The following UBE2O variants were observed in gnomAD, a reference collection of about 807,000 sequenced individuals.
The protein encoded by UBE2O is (E3-independent) E2 ubiquitin-conjugating enzyme.
UBE2O carries 15 observed loss-of-function variants against 125.8 expected under a neutral mutation model. The observed-to-expected ratio is 0.12, with a 90% CI of 0.08 to 0.18. The LOEUF is 0.18. UBE2O is among the 10% of genes least tolerant of loss of function. The pLI is 1.00. For synonymous variants in UBE2O, 708 were observed against 703.2 expected, an observed-to-expected ratio of 1.01 and a Z score of -0.11; for missense variants, 1,280 against 1,723.6, an observed-to-expected ratio of 0.74 and a Z score of 4.56.
In UBE2O at chr17:76,389,721, C is replaced by T. The variant is rs1360141389; in HGVS notation, c.*1222G>A. 1 of 152,184 alleles carries T rather than the reference C, an allele frequency of 6.6e-6. No homozygotes were observed. The highest frequency in any genetic ancestry group is 1.5e-5 in the Non-Finnish European group (1 of 68,030). 9.4% of individuals were successfully genotyped at this position (152,184 alleles called of 1,614,324 possible). The stretch of plus-strand genomic sequence containing the variant: ...GGTCCGGCTCCATCCTCCCGCAGCT[C>T]TGCTGGCTGGGCGGTCACAGCACAG... On this transcript the variant is annotated 3_prime_UTR_variant, in exon 18 of 18. Coordinates refer to ENST00000319380, the MANE Select transcript of UBE2O (RefSeq NM_022066.4).
At position 76,417,797 on chromosome 17, in the gene UBE2O, T is replaced by C. The variant is rs929215536; in HGVS notation, c.418-12225A>G. On this transcript the variant is annotated intron_variant, in intron 1 of 17. Coordinates refer to ENST00000319380, the MANE Select transcript of UBE2O (RefSeq NM_022066.4). ...GAAGGGAAGAGGAGCAGGTGTTTGA[T>C]GCTGCATGGATGCATCAGCGTCCGC... Among the ~76,000 whole-genome samples, 5 of 152,324 alleles carry C rather than the reference T, an allele frequency of 3.3e-5. No homozygotes were observed. In the South Asian group the frequency reaches 1.0e-3, roughly 32 times the overall value.
At chr17:76,409,987 G>A (rs905805148) in intron 1 of UBE2O, among the ~76,000 whole-genome samples, 1 of 152,172 alleles carries the variant, frequency 6.6e-6, no homozygotes, top group South Asian at 2.1e-4. Context: ...AGGCCCCTCC[G>A]AGGTGATGCT....
intron 1 of UBE2O, chr17:76,430,866 C>T (rs1374543414): frequency 1.5e-5 from 6 of 396,198 alleles, no homozygotes; most frequent in East Asian, 7.0e-5. Flanking sequence ...AATGCCAATT[C>T]GGGTTCTGCA....
intron 1 of UBE2O, among the ~76,000 whole-genome samples, chr17:76,438,753 C>T (rs951754132): frequency 2.0e-5 from 3 of 152,170 alleles, no homozygotes; most frequent in African/African-American, 4.8e-5. Flanking sequence ...AGTGTTTCCT[C>T]TTGCACTGGA....
rs1044469434 is a variant in UBE2O, at chr17:76,410,297, G to A, written c.418-4725C>T. ...AGCACGGAGGCTGGTTAGCCCAGTG[G>A]TTCTCACCTAGGGGTAATTTTGCTC... is the stretch of plus-strand genomic sequence containing the variant. On this transcript the variant is annotated intron_variant, in intron 1 of 17. Transcript: ENST00000319380. This position sits in a 1 kb window ranked among gnomAD's most constrained non-coding sequence, Gnocchi z 4.0. Among the ~76,000 whole-genome samples the A allele has an allele frequency of 6.6e-6, 1 of 152,032 alleles. No individual in the cohort carries two copies. Among genetic ancestry groups the A allele is most frequent in the Admixed American group, 6.6e-5 (1 of 15,254 alleles).
chr17:76,421,794 T>C (rs924796845), intron 1 of UBE2O, among the ~76,000 whole-genome samples: 2 of 152,174 alleles, frequency 1.3e-5, no homozygotes, highest in Non-Finnish European at 2.9e-5. Flanking sequence ...ATGGAGTAAA[T>C]GCCACGTGCT....
rs2072194491 is a variant in UBE2O at position 76,395,648 on chromosome 17, G to C, written c.2946+77C>G. On this transcript the variant is annotated intron_variant, in intron 15 of 17. Transcript: ENST00000319380. The surrounding 1 kb of genome is among the most constrained non-coding windows in gnomAD (Gnocchi z 5.0). The stretch of plus-strand genomic sequence containing the variant: ...TGCCAGTCAGCCCCGGAGGTTTGGG[G>C]ACCCAAGGTTGGTGGCCTCTTGGGC... 1 of 1,528,662 alleles carries C rather than the reference G, an allele frequency of 6.5e-7. No individual in the cohort carries two copies. The highest frequency in any genetic ancestry group is 8.8e-7 in the Non-Finnish European group (1 of 1,139,608). The allele number at this position is 1,528,662 out of a possible 1,614,324, so 94.7% of individuals were successfully genotyped here. A position where few individuals can be genotyped will look rare whatever the true frequency, so the allele number is the denominator to read the frequency against.
At chr17:76,409,699 A>C (rs766915521) in intron 1 of UBE2O, among the ~76,000 whole-genome samples, 6 of 152,176 alleles carry the variant, frequency 3.9e-5, no homozygotes, top group African/African-American at 7.2e-5. Context: ...TGGCAAACAC[A>C]CACCACTTTG....
intron 1 of UBE2O, among the ~76,000 whole-genome samples, chr17:76,442,464 T>C (rs543124364): frequency 2.5e-4 from 38 of 152,230 alleles, no homozygotes; most frequent in African/African-American, 7.7e-4. Context: ...CTATTTGTAG[T>C]AAGTGGGAGG....
rs1480371560 is a variant in UBE2O at position 76,405,320 on chromosome 17, G to C, written c.478-4C>G. The stretch of plus-strand genomic sequence containing the variant: ...TCACCGTGCCACACTGACTGTCCTG[G>C]GGGAGGGAGGAGACATGCAAGTCCC... On this transcript the variant is annotated splice_polypyrimidine_tract_variant and splice_region_variant and intron_variant, in intron 2 of 17. Transcript: ENST00000319380. The surrounding 1 kb of genome is among the most constrained non-coding windows in gnomAD (Gnocchi z 6.1). 6.2e-7 allele frequency: 1 copy of C among 1,605,808 alleles called. No homozygotes were observed. Among genetic ancestry groups the C allele is most frequent in the African/African-American group, 1.3e-5 (1 of 74,740 alleles).
chr17:76,409,459 C>T (rs1240193476), intron 1 of UBE2O, among the ~76,000 whole-genome samples: 3 of 151,744 alleles, frequency 2.0e-5, no homozygotes, highest in Non-Finnish European at 4.4e-5. Context: ...TGCAGTGGCA[C>T]GACCTCAGCT....
At position 76,391,112 on chromosome 17, in the gene UBE2O, C is replaced by A; in HGVS notation, c.3710G>T (p.Arg1237Leu). The A allele has an allele frequency of 6.2e-7, 1 of 1,614,158 alleles. No individual in the cohort carries two copies. Among genetic ancestry groups the A allele is most frequent in the East Asian group, 2.2e-5 (1 of 44,884 alleles). ...SVPPSVKPKK[R>L]RKSYRSFLPE... ...TAAGAAGCTCCGGTAGCTCTTTCTC[C>A]GCTTCTTTGGTTTCACACTGGGTGG... The change falls in exon 18 of 18, where the codon CGG becomes CTG. Residue 1237 changes from arginine to leucine, a missense_variant. Arg to Leu is a moderately radical substitution (Grantham distance 102). Transcript: ENST00000319380. The surrounding 1 kb of genome is among the most constrained non-coding windows in gnomAD (Gnocchi z 8.4).
Position 76,402,049 on chromosome 17 carries a change from G to A in UBE2O, c.750+15C>T. On this transcript the variant is annotated intron_variant, in intron 5 of 17. Transcript: ENST00000319380. The surrounding 1 kb of genome is among the most constrained non-coding windows in gnomAD (Gnocchi z 5.4). ...GCAATCAGAGAAGGGTGCTGGCCTG[G>A]ATGGAGCACACTACCGAGTCGCTGA... 4 of 1,613,280 alleles carry A rather than the reference G, an allele frequency of 2.5e-6. No homozygotes were observed. Among genetic ancestry groups the A allele is most frequent in the Non-Finnish European group, 3.4e-6 (4 of 1,179,756 alleles).
rs1048727447 is a variant in UBE2O at position 76,445,259 on chromosome 17, AT to A, written c.417+7465del. ...TTTCCAAGCATGACTCAGTGTTTTA[AT>A]TTTTTTTTTTACTTTCAATTATCAT... On this transcript the variant is annotated intron_variant, in intron 1 of 17. Transcript: ENST00000319380. 5.3e-4 allele frequency among the ~76,000 whole-genome samples: 78 copies of A among 146,568 alleles called. No individual in the cohort carries two copies. The East Asian group carries it at 0.01, about 19-fold the overall frequency.
At chr17:76,425,225 C>CAAAAAAAAAAAA (rs58377572) in intron 1 of UBE2O, among the ~76,000 whole-genome samples, 1 of 95,096 alleles carries the variant, frequency 1.1e-5, no homozygotes, top group African/African-American at 3.5e-5. Flanking sequence ...GTCCTTTCGA[C>CAAAAAAAAAAAA]AAAAAAAAAA....
At position 76,395,859 on chromosome 17, in the gene UBE2O, T is replaced by C; in HGVS notation, c.2812A>G (p.Asn938Asp). 1 of 1,614,122 alleles carries C rather than the reference T, an allele frequency of 6.2e-7. No homozygotes were observed. Among genetic ancestry groups the C allele is most frequent in the Non-Finnish European group, 8.5e-7 (1 of 1,180,028 alleles). The change falls in exon 15 of 18, where the codon AAT (asparagine) becomes GAT (aspartate). Residue 938 changes from asparagine (N) to aspartate (D), a missense_variant and splice_region_variant. Around this residue, in one of 10 missense-constraint regions of UBE2O, gnomAD observed 116 missense variants for 154.8 expected, o/e 0.75. Transcript: ENST00000319380. This position sits in a 1 kb window ranked among gnomAD's most constrained non-coding sequence, Gnocchi z 5.0. Reference protein sequence around the residue: ...VFSVLEFAPSNHSFKKIEFQP... With the variant: ...VFSVLEFAPSDHSFKKIEFQP... Reference sequence around the variant, plus strand: ...AACTCAATTTTCTTAAAAGAATGATTTGCTAGAGGGGGGAAGAGAATAGTC... The same window carrying C: ...AACTCAATTTTCTTAAAAGAATGATCTGCTAGAGGGGGGAAGAGAATAGTC...
At chr17:76,438,745 T>C (rs1337435423) in intron 1 of UBE2O, among the ~76,000 whole-genome samples, 1 of 152,170 alleles carries the variant, frequency 6.6e-6, no homozygotes, top group Non-Finnish European at 1.5e-5. Flanking sequence ...ACATAACCAG[T>C]GTTTCCTCTT....
In UBE2O at chr17:76,400,986, C is replaced by A; in HGVS notation, c.894+25G>T. 6.2e-7 allele frequency: 1 copy of A among 1,612,706 alleles called. No individual in the cohort carries two copies. The highest frequency in any genetic ancestry group is 8.5e-7 in the Non-Finnish European group (1 of 1,179,674). ...AGGGTGTGGAGGTCAAGGACTCCAT[C>A]TCCTACCCTTGGGCCCGGACCCACC... is the stretch of plus-strand genomic sequence containing the variant. On this transcript the variant is annotated intron_variant, in intron 6 of 17. Coordinates refer to ENST00000319380, the MANE Select transcript of UBE2O (RefSeq NM_022066.4). The surrounding 1 kb of genome is among the most constrained non-coding windows in gnomAD (Gnocchi z 4.3).
intron 1 of UBE2O, among the ~76,000 whole-genome samples, chr17:76,419,051 G>T (rs1439186718): frequency 6.6e-6 from 1 of 151,928 alleles, no homozygotes; most frequent in African/African-American, 2.4e-5. Flanking sequence ...GAGAGGCTGA[G>T]CTTTGAGAAT....
Sources: gnomAD v4.1 joint callset for allele counts (sites outside exome capture counted in the v4.1 genomes callset) on GRCh38, gnomAD v4.1.1 for gene constraint, gnomAD v4.1.1 regional missense constraint, Gnocchi (gnomAD v3.1) non-coding constraint, MANE v1.5 for transcripts, NCBI Gene and HGNC (gene_info 2026-07-23, HGNC 2026-07-21) for gene names.